Variants in GK3 observed in about 807,000 individuals in gnomAD.
GK3 encodes glycerol kinase 3.
the GK3 span, chr4:165,278,949 C>A: frequency 2.3e-5 from 34 of 1,465,086 alleles, 1 homozygote; most frequent in Admixed American, 2.7e-4. Flanking sequence ...GAACTCCGAA[C>A]ATGTGGAAGA....
chr4:165,278,657 C>T, the GK3 span: 71 of 1,597,272 alleles, frequency 4.4e-5, no homozygotes, highest in Middle Eastern at 1.7e-4. Context: ...TCTTAGCCAG[C>T]GAATAACAGC....
At chr4:165,278,312 G>A in the GK3 span, 6 of 1,088,614 alleles carry the variant, frequency 5.5e-6, no homozygotes, top group African/African-American at 7.7e-5. Flanking sequence ...CTTCACTACT[G>A]GAATATACAG....
chr4:165,279,106 T>G, the GK3 span: 16 of 1,589,042 alleles, frequency 1.0e-5, no homozygotes, highest in Non-Finnish European at 1.2e-5. Flanking sequence ...AAATAAGCCA[T>G]GAATCAATAG....
the GK3 span, chr4:165,278,146 A>T: frequency 6.6e-7 from 1 of 1,512,444 alleles, no homozygotes; most frequent in Non-Finnish European, 9.2e-7. Context: ...TCCATGTAGA[A>T]TAACGAATTT....
the GK3 span, chr4:165,279,348 A>C: frequency 2.2e-5 from 35 of 1,580,226 alleles, no homozygotes; most frequent in East Asian, 7.4e-4. Flanking sequence ...ATCTTGTCCC[A>C]GACTACGGTG....
At chr4:165,279,111 CA>C in the GK3 span, 1 of 1,592,708 alleles carries the variant, frequency 6.3e-7, no homozygotes, top group African/African-American at 1.3e-5. Context: ...AGCCATGAAT[CA>C]ATAGTCCCAA....
the GK3 span, chr4:165,279,004 T>C: frequency 6.7e-7 from 1 of 1,501,048 alleles, no homozygotes. Context: ...GTTTATCCCA[T>C]TCCAAAGAAT....
chr4:165,278,713 G>C, the GK3 span: 1 of 1,602,326 alleles, frequency 6.2e-7, no homozygotes, highest in Non-Finnish European at 8.6e-7. Flanking sequence ...ATACCGGTTT[G>C]TCTCTGCCAA....
chr4:165,278,706 C>A, the GK3 span: 2 of 1,603,572 alleles, frequency 1.2e-6, no homozygotes, highest in South Asian at 1.1e-5. Flanking sequence ...GCGTAATATA[C>A]CGGTTTGTCT....
the GK3 span, chr4:165,278,753 T>C: frequency 6.3e-7 from 1 of 1,584,388 alleles, no homozygotes; most frequent in Non-Finnish European, 8.7e-7. Flanking sequence ...GAGAAGGCCA[T>C]GATCAGAAAA....
At chr4:165,279,215 G>T in the GK3 span, 1 of 1,530,614 alleles carries the variant, frequency 6.5e-7, no homozygotes, top group Non-Finnish European at 9.1e-7. Flanking sequence ...AGTGCTAAGT[G>T]GAAGGCCTGT....
the GK3 span, chr4:165,278,529 C>T: frequency 1.7e-5 from 27 of 1,609,526 alleles, no homozygotes; most frequent in Non-Finnish European, 2.1e-5. Flanking sequence ...GCGCTGGGCT[C>T]CCAATAAGGT....
the GK3 span, chr4:165,278,845 T>G: frequency 4.6e-6 from 7 of 1,533,878 alleles, no homozygotes; most frequent in Non-Finnish European, 6.3e-6. Context: ...GGAAGCACAT[T>G]TGTCCCACCA....
At chr4:165,277,888 T>C in the GK3 span, 2 of 838,130 alleles carry the variant, frequency 2.4e-6, no homozygotes, top group Non-Finnish European at 4.2e-6. Context: ...AAAATCAAAG[T>C]CTATGAATAG....
chr4:165,278,698 G>A, the GK3 span: 52 of 1,603,986 alleles, frequency 3.2e-5, no homozygotes, highest in Admixed American at 1.5e-4. Flanking sequence ...CTTCCAAAGC[G>A]TAATATACCG....
chr4:165,279,597 C>T, the GK3 span: 60 of 1,609,718 alleles, frequency 3.7e-5, no homozygotes, highest in Middle Eastern at 1.6e-4. Context: ...GTGCCTTGGT[C>T]CACTGCCCCC....
chr4:165,279,650 C>A, the GK3 span: 1 of 1,611,040 alleles, frequency 6.2e-7, no homozygotes, highest in Non-Finnish European at 8.5e-7. Context: ...TGCCATGAAA[C>A]CAGCTTCAGG....
the GK3 span, chr4:165,278,203 G>A: frequency 8.8e-6 from 11 of 1,245,626 alleles, no homozygotes; most frequent in Middle Eastern, 1.9e-4. Flanking sequence ...CCATCGTGAC[G>A]GCGGACAAAT....
At chr4:165,277,836 A>G in the GK3 span, 2 of 724,326 alleles carry the variant, frequency 2.8e-6, no homozygotes, top group Non-Finnish European at 5.0e-6. Context: ...ATTTTAAGCC[A>G]CAGGTCTACT....
Sources: allele counts gnomAD v4.1 joint callset, GRCh38; gene constraint gnomAD v4.1.1; transcripts MANE v1.5; gene names NCBI Gene and HGNC (gene_info 2026-07-23, HGNC 2026-07-21).